ELN: variants seen among roughly 807,000 people sequenced by gnomAD.
The protein encoded by ELN is tropoelastin.
ELN carries 65 observed loss-of-function variants against 105.8 expected under a neutral mutation model. That is an observed-to-expected ratio of 0.61 (90% CI 0.50 to 0.75). The LOEUF (loss-of-function observed/expected upper bound fraction) is 0.75. Among genes scored for constraint, ELN ranks in the 30% least tolerant of loss-of-function variants. The pLI is 0.00. For missense variants in ELN, 882 were observed against 969.4 expected (o/e 0.91, Z 1.20); for synonymous variants, 368 against 389.2 (o/e 0.95, Z 0.64).
In ELN at chr7:74,043,051, C is replaced by G; in HGVS notation, c.376+17C>G. ...TGTCTGCAGGTACGATGGCTATCCC[C>G]GAACTCCCTGGGTCAAAGTTGCAGG... On this transcript the variant is annotated intron_variant, in intron 7 of 32. Coordinates refer to ENST00000252034, the MANE Select transcript of ELN (RefSeq NM_000501.4). 3.7e-6 allele frequency: 6 copies of G among 1,614,144 alleles called. No individual in the cohort carries two copies. The highest frequency in any genetic ancestry group is 5.1e-6 in the Non-Finnish European group (6 of 1,180,022).
chr7:74,052,891 AAGAAAGAAAGAAAG>A (rs1395252483), intron 17 of ELN: 16 of 445,742 alleles, frequency 3.6e-5, no homozygotes, highest in Non-Finnish European at 5.7e-5. Context: ...GAGAGAGAGA[AAGAAAGAAAGAAAG>A]AGAAAGGAAG....
At chr7:74,054,480 A>G (rs1563830727) in intron 18 of ELN, among the ~76,000 whole-genome samples, 1 of 151,934 alleles carries the variant, frequency 6.6e-6, no homozygotes, top group Non-Finnish European at 1.5e-5. Context: ...CAAAAAAAAA[A>G]AAAAAGACAA....
chr7:74,052,652 A>G (rs938394263), intron 17 of ELN: 2 of 158,364 alleles, frequency 1.3e-5, no homozygotes, highest in African/African-American at 5.3e-5. Flanking sequence ...GAAGGAAGGA[A>G]GGAAGGAAAG....
chr7:74,053,141 A>G (rs2131918720), intron 17 of ELN, 22 bp from the exon 18 acceptor site: 2 of 1,614,138 alleles, frequency 1.2e-6, no homozygotes, highest in East Asian at 2.2e-5. Context: ...AGGTTAGGGG[A>G]ACAATGCTTT....
At chr7:74,034,382 A>C (rs1789435651) in intron 1 of ELN, among the ~76,000 whole-genome samples, 1 of 151,964 alleles carries the variant, frequency 6.6e-6, no homozygotes, top group African/African-American at 2.4e-5. Flanking sequence ...CCTCTCCCTG[A>C]CTCCAGGGAG....
At chr7:74,043,776 G>A in intron 8 of ELN, 103 bp from the exon 9 acceptor site, 2 of 1,471,226 alleles carry the variant, frequency 1.4e-6, no homozygotes, top group Non-Finnish European at 1.9e-6. Flanking sequence ...GGGCACAGAG[G>A]CTGTGGGTTT....
chr7:74,042,630 C>T lies in ELN; in HGVS notation c.249C>T (p.Pro83=), dbSNP rs565001805. ...CCTCCGCAGGGCTCGGCGCCTTCCC[C>T]GCAGTTACCTTTCCGGGGGCTCTGG... The part of the protein sequence containing the change: ...AGLGAGLGAF[P]AVTFPGALVP... Residue 83 remains proline, a synonymous_variant, in exon 6 of 33, where the codon CCC becomes CCT. Transcript: ENST00000252034. 1.3e-4 allele frequency: 215 copies of T among 1,613,554 alleles called. 1 individual carries two copies. In the East Asian group the frequency reaches 4.1e-3, roughly 31 times the overall value.
chr7:74,057,411 C>T, intron 21 of ELN: 1 of 1,513,640 alleles, frequency 6.6e-7, no homozygotes, highest in South Asian at 1.3e-5. Flanking sequence ...GCTGGGTGGG[C>T]TAGTGCCAGG....
intron 4 of ELN, chr7:74,038,037 T>G (rs1309725899): frequency 9.1e-6 from 4 of 441,474 alleles, no homozygotes; most frequent in Non-Finnish European, 1.7e-5. Context: ...GACTCCTCTC[T>G]GCAAAGGAGA....
In ELN at chr7:74,037,909, G is replaced by A. The variant is rs1170223532; in HGVS notation, c.196+170G>A. 43 of 972,464 alleles carry A rather than the reference G, an allele frequency of 4.4e-5. No individual in the cohort carries two copies. The Admixed American group carries it at 6.1e-4, about 14-fold the overall frequency. 60.2% of individuals were successfully genotyped at this position (972,464 alleles called of 1,614,324 possible). A position where few individuals can be genotyped will look rare whatever the true frequency, so the allele number is the denominator to read the frequency against. ...TTAGCCTCCCAAGGATGAGTAGGCC[G>A]GGGCCAGGTCCCAGGGCTTCCAGGA... On this transcript the variant is annotated intron_variant, in intron 4 of 32. Coordinates refer to ENST00000252034, the MANE Select transcript of ELN (RefSeq NM_000501.4).
At chr7:74,054,527 A>C (rs1214781906) in intron 18 of ELN, among the ~76,000 whole-genome samples, 189 bp from the exon 19 acceptor site, 4 of 151,414 alleles carry the variant, frequency 2.6e-5, no homozygotes, top group African/African-American at 9.7e-5. Flanking sequence ...AGGTAGATGG[A>C]TGATGGGGGT....
At chr7:74,057,846 A>G (rs1410601432) in intron 22 of ELN, 150 bp downstream of exon 22, 4 of 841,240 alleles carry the variant, frequency 4.8e-6, no homozygotes, top group Non-Finnish European at 7.8e-6. Context: ...CTTTTGGCCC[A>G]CTGATGAATG....
intron 18 of ELN, 146 bp downstream of exon 18, chr7:74,053,455 A>G: frequency 1.3e-6 from 2 of 1,484,596 alleles, no homozygotes; most frequent in South Asian, 2.5e-5. Flanking sequence ...TCATCCCCTC[A>G]TCTTCTCTTC....
chr7:74,032,279 CA>C (rs1788874840), intron 1 of ELN, among the ~76,000 whole-genome samples: 1 of 152,186 alleles, frequency 6.6e-6, no homozygotes, highest in African/African-American at 2.4e-5. Flanking sequence ...AGCTGAGCAG[CA>C]CAGTCAGGGA....
Position 74,056,308 on chromosome 7 carries a change from T to G in ELN, c.1188T>G (p.Thr396=), listed in dbSNP as rs1033193955. 8.1e-6 allele frequency: 13 copies of G among 1,612,768 alleles called. No individual in the cohort carries two copies. Among genetic ancestry groups the G allele is most frequent in the Admixed American group, 3.3e-5 (2 of 59,938 alleles). Reference sequence around the variant, plus strand: ...GAGTCGGAGTTGGAGGCATTCCTACTTACGGGGTTGGAGCTGGGGGCTTTC... The same window carrying G: ...GAGTCGGAGTTGGAGGCATTCCTACGTACGGGGTTGGAGCTGGGGGCTTTC... The part of the protein sequence containing the change: ...RPGVGVGGIP[T]YGVGAGGFPG... The change falls in exon 20 of 33, where the codon ACT becomes ACG. Residue 396 remains threonine, a synonymous_variant. Coordinates refer to ENST00000252034, the MANE Select transcript of ELN (RefSeq NM_000501.4).
intron 1 of ELN, among the ~76,000 whole-genome samples, chr7:74,033,781 C>G (rs927244720): frequency 3.3e-5 from 5 of 152,226 alleles, no homozygotes; most frequent in African/African-American, 1.2e-4. Context: ...TGCAGAGACA[C>G]CCGTTCCCCC....
At position 74,063,724 on chromosome 7, in the gene ELN, T is replaced by C; in HGVS notation, c.1993+29T>C. Reference sequence around the variant, plus strand: ...AGAGTTGTTCTGAAATCAGTGAGTGTGTGTGGTGTGTGTATGCGAGACAGA... The same window carrying C: ...AGAGTTGTTCTGAAATCAGTGAGTGCGTGTGGTGTGTGTATGCGAGACAGA... On this transcript the variant is annotated intron_variant, in intron 29 of 32. Transcript: ENST00000252034. The surrounding 1 kb of genome is among the most constrained non-coding windows in gnomAD (Gnocchi z 4.1). 1 of 1,613,690 alleles carries C rather than the reference T, an allele frequency of 6.2e-7. No individual in the cohort carries two copies. Among genetic ancestry groups the C allele is most frequent in the Non-Finnish European group, 8.5e-7 (1 of 1,179,720 alleles).
intron 15 of ELN, 55 bp downstream of exon 15, chr7:74,048,611 T>C: frequency 6.2e-7 from 1 of 1,608,108 alleles, no homozygotes; most frequent in Non-Finnish European, 8.5e-7. Context: ...GCCTCTCCAT[T>C]CCCATTACTA....
intron 4 of ELN, among the ~76,000 whole-genome samples, chr7:74,040,674 G>A (rs1036469004): frequency 5.3e-5 from 8 of 152,138 alleles, no homozygotes; most frequent in Non-Finnish European, 1.0e-4. Context: ...GAGACGAAGC[G>A]ATTGGGCCCA....
Sources: gnomAD v4.1 joint callset for allele counts (sites outside exome capture counted in the v4.1 genomes callset) on GRCh38, gnomAD v4.1.1 for gene constraint, Gnocchi (gnomAD v3.1) non-coding constraint, MANE v1.5 for transcripts, NCBI Gene and HGNC (gene_info 2026-07-23, HGNC 2026-07-21) for gene names.